ATP8A1: variants seen among roughly 807,000 people sequenced by gnomAD.
ATP8A1 encodes phospholipid-transporting ATPase IA.
In ATP8A1, 90 loss-of-function variants were observed where a neutral mutation model predicts 177.7. That is an observed-to-expected ratio of 0.51 (90% CI 0.43 to 0.60). The LOEUF is 0.60. Ranked by LOEUF, ATP8A1 falls within the 20% of genes least tolerant of loss-of-function variation. ATP8A1 has a pLI of 0.00. For missense variants in ATP8A1, 1,072 were observed against 1,392.8 expected, an observed-to-expected ratio of 0.77 and a Z score of 3.67; for synonymous variants, 493 against 485.9, an observed-to-expected ratio of 1.01 and a Z score of -0.19.
chr4:42,478,902 A>G (rs1203699879), intron 25 of ATP8A1, among the ~76,000 whole-genome samples: 1 of 152,224 alleles, frequency 6.6e-6, no homozygotes, highest in Non-Finnish European at 1.5e-5. Context: ...GCACCATAAA[A>G]AGAATGTCCA....
chr4:42,461,949 T>C (rs972037689), intron 27 of ATP8A1, among the ~76,000 whole-genome samples: 1 of 152,198 alleles, frequency 6.6e-6, no homozygotes, highest in Non-Finnish European at 1.5e-5. Context: ...GCAAAGAGAC[T>C]GGCAGCATTT....
chr4:42,455,158 A>G, intron 29 of ATP8A1, 139 bp downstream of exon 29: 3 of 1,087,612 alleles, frequency 2.8e-6, no homozygotes, highest in Non-Finnish European at 3.8e-6. Context: ...ACCTTAAGAA[A>G]TATGACTTGC....
At chr4:42,550,754 G>T (rs1289674189) in intron 18 of ATP8A1, among the ~76,000 whole-genome samples, 1 of 152,196 alleles carries the variant, frequency 6.6e-6, no homozygotes, top group Non-Finnish European at 1.5e-5. Context: ...GGTCTTAATT[G>T]TATCTCCCCA....
rs527549297 is a variant in ATP8A1 at position 42,652,140 on chromosome 4, C to T, written c.49+4685G>A. The stretch of plus-strand genomic sequence containing the variant: ...TAAAACATGTCCATTTGGATGTCCC[C>T]GTTACCTCAAAATTTGAATTAGTAT... On this transcript the variant is annotated intron_variant, in intron 1 of 36. Coordinates refer to ENST00000381668, the MANE Select transcript of ATP8A1 (RefSeq NM_006095.2). Among the ~76,000 whole-genome samples the T allele has an allele frequency of 1.6e-4, 25 of 152,286 alleles. No homozygotes were observed. The South Asian group carries it at 2.9e-3, about 18-fold the overall frequency.
intron 1 of ATP8A1, among the ~76,000 whole-genome samples, chr4:42,633,035 T>G (rs933373925): frequency 6.6e-6 from 1 of 152,350 alleles, no homozygotes. Context: ...TTCTTGAGCC[T>G]TTATTGAGAT....
intron 1 of ATP8A1, among the ~76,000 whole-genome samples, chr4:42,648,938 C>T (rs983789521): frequency 6.6e-6 from 1 of 152,200 alleles, no homozygotes; most frequent in African/African-American, 2.4e-5. Context: ...TAAACAGGCA[C>T]TCTCATTCAC....
At chr4:42,474,894 G>A (rs1720878286) in intron 25 of ATP8A1, among the ~76,000 whole-genome samples, 1 of 151,296 alleles carries the variant, frequency 6.6e-6, no homozygotes, top group South Asian at 2.1e-4. Flanking sequence ...GAGAGTGAAA[G>A]TTAGGGGGAG....
chr4:42,651,181 C>T (rs972955537), intron 1 of ATP8A1, among the ~76,000 whole-genome samples: 4 of 152,024 alleles, frequency 2.6e-5, no homozygotes, highest in Non-Finnish European at 5.9e-5. Context: ...ACCTCCCCAG[C>T]CATGTAAGTC....
intron 5 of ATP8A1, among the ~76,000 whole-genome samples, chr4:42,615,564 C>T (rs1736819414): frequency 6.6e-6 from 1 of 152,082 alleles, no homozygotes; most frequent in African/African-American, 2.4e-5. Flanking sequence ...AAATGCCATG[C>T]ACTGTACAGA....
At chr4:42,536,148 ATAAAT>A (rs1431297115) in intron 20 of ATP8A1, among the ~76,000 whole-genome samples, 1 of 152,254 alleles carries the variant, frequency 6.6e-6, no homozygotes, top group Non-Finnish European at 1.5e-5. Flanking sequence ...ACTATAAAAT[ATAAAT>A]TAAACAAAAA....
At chr4:42,450,447 T>C (rs1717813082) in intron 30 of ATP8A1, among the ~76,000 whole-genome samples, 2 of 152,228 alleles carry the variant, frequency 1.3e-5, no homozygotes, top group South Asian at 2.1e-4. Flanking sequence ...TACTGAATTG[T>C]ACACTTTAAA....
At chr4:42,653,103 G>T (rs569762349) in intron 1 of ATP8A1, among the ~76,000 whole-genome samples, 1 of 152,002 alleles carries the variant, frequency 6.6e-6, no homozygotes, top group Admixed American at 6.6e-5. Context: ...TCCCCTCACC[G>T]TTCCTAATTC....
intron 24 of ATP8A1, among the ~76,000 whole-genome samples, chr4:42,501,742 G>A (rs906826095): frequency 2.0e-5 from 3 of 152,120 alleles, no homozygotes; most frequent in Non-Finnish European, 4.4e-5. Flanking sequence ...AGATCGGAAG[G>A]AGCTACGCGA....
intron 30 of ATP8A1, among the ~76,000 whole-genome samples, chr4:42,448,413 T>TTTTTTTTTTTTTTTTTTTTG (rs1230692342): frequency 7.1e-6 from 1 of 141,110 alleles, no homozygotes; most frequent in African/African-American, 2.6e-5. Flanking sequence ...TTTTTTTTTT[T>TTTTTTTTTTTTTTTTTTTTG]TTGAGATGGA....
intron 16 of ATP8A1, among the ~76,000 whole-genome samples, chr4:42,553,542 A>C (rs960518029): frequency 6.6e-6 from 1 of 152,178 alleles, no homozygotes; most frequent in Non-Finnish European, 1.5e-5. Context: ...TTTAAATTAC[A>C]TATCTTCCTG....
At chr4:42,549,528 C>T (rs1482292599) in intron 18 of ATP8A1, among the ~76,000 whole-genome samples, 1 of 152,046 alleles carries the variant, frequency 6.6e-6, no homozygotes, top group East Asian at 1.9e-4. Flanking sequence ...GGTGGCCATG[C>T]CTGTAATCCC....
In ATP8A1 at chr4:42,464,933, C is replaced by A; in HGVS notation, c.2468G>T (p.Gly823Val). ...HVGVGISGNE[G>V]LQAANSSDYS... ...GTCAGAGGAATTAGCTGCCTGCAGG[C>A]CTTCATTGCCACTGATACCAACACC... is the stretch of plus-strand genomic sequence containing the variant. The change falls in exon 26 of 37, where the codon GGC becomes GTC. Residue 823 changes from glycine to valine, a missense_variant. By Grantham distance (109) the Gly-to-Val change is moderately radical. Transcript: ENST00000381668. 1 of 1,614,204 alleles carries A rather than the reference C, an allele frequency of 6.2e-7. No homozygotes were observed. Among genetic ancestry groups the A allele is most frequent in the Non-Finnish European group, 8.5e-7 (1 of 1,180,038 alleles).
chr4:42,639,676 G>C (rs910767673), intron 1 of ATP8A1, among the ~76,000 whole-genome samples: 1 of 152,162 alleles, frequency 6.6e-6, no homozygotes, highest in East Asian at 1.9e-4. Flanking sequence ...CTAACCTACA[G>C]AACTGTGAGA....
At chr4:42,624,477 A>G in intron 4 of ATP8A1, 59 bp downstream of exon 4, 1 of 937,270 alleles carries the variant, frequency 1.1e-6, no homozygotes, top group Non-Finnish European at 1.5e-6. Context: ...AAAAACTAAT[A>G]TTTAAAGCAT....
Sources: allele counts gnomAD v4.1 joint callset (sites outside exome capture counted in the v4.1 genomes callset), GRCh38; gene constraint gnomAD v4.1.1; transcripts MANE v1.5; gene names NCBI Gene and HGNC (gene_info 2026-07-23, HGNC 2026-07-21).